SLC27A2: variants seen among roughly 807,000 people sequenced by gnomAD.
The protein encoded by SLC27A2 is long-chain fatty acid transport protein 2.
A neutral mutation model predicts 60.0 loss-of-function variants in SLC27A2; 54 were observed. That is an observed-to-expected ratio of 0.90 (90% CI 0.72 to 1.13). SLC27A2 has a LOEUF of 1.13. Ranked by LOEUF, SLC27A2 falls within the 50% of genes most tolerant of loss-of-function variation. SLC27A2 has a pLI of 0.00. For missense variants in SLC27A2, 739 were observed against 777.6 expected, an observed-to-expected ratio of 0.95 and a Z score of 0.59; for synonymous variants, 297 against 297.6, an observed-to-expected ratio of 1.00 and a Z score of 0.02.
intron 1 of SLC27A2, among the ~76,000 whole-genome samples, chr15:50,195,550 A>G (rs1451710228): frequency 6.6e-6 from 1 of 152,074 alleles, no homozygotes; most frequent in Non-Finnish European, 1.5e-5. Flanking sequence ...CATTAGCTTT[A>G]GTTGTGAGGA....
Position 50,182,378 on chromosome 15 carries a change from C to G in SLC27A2, c.-50C>G, listed in dbSNP as rs981546320. 5 of 1,476,238 alleles carry G rather than the reference C, an allele frequency of 3.4e-6. No individual in the cohort carries two copies. The East Asian group carries it at 1.3e-4, about 38-fold the overall frequency. The allele number at this position is 1,476,238 out of a possible 1,614,324, so 91.4% of individuals were successfully genotyped here. On this transcript the variant is annotated 5_prime_UTR_variant, in exon 1 of 10. Coordinates refer to ENST00000267842, the MANE Select transcript of SLC27A2 (RefSeq NM_003645.4). ...GCCCGCCCAGTCGCCGCGCTGCACG[C>G]CCGGGGTGAACCCTCTGCCCTCGCT...
At chr15:50,234,774 G>T (rs575515813) in intron 9 of SLC27A2, among the ~76,000 whole-genome samples, 49 of 152,068 alleles carry the variant, frequency 3.2e-4, no homozygotes, top group African/African-American at 1.1e-3. Flanking sequence ...AAATATATCA[G>T]AAAACAGCTA....
intron 1 of SLC27A2, among the ~76,000 whole-genome samples, chr15:50,186,468 G>A (rs118021115): frequency 6.6e-6 from 1 of 151,748 alleles, no homozygotes; most frequent in Non-Finnish European, 1.5e-5. Context: ...AGACAGTCTC[G>A]CTCTGTTGCC....
chr15:50,207,508 G>T (rs933948329), intron 4 of SLC27A2, among the ~76,000 whole-genome samples: 1 of 152,012 alleles, frequency 6.6e-6, no homozygotes, highest in African/African-American at 2.4e-5. Context: ...TAGGTCATCA[G>T]TCCAGGCACG....
In SLC27A2 at chr15:50,197,728, T is replaced by A. The variant is rs1163137825; in HGVS notation, c.688+19T>A. The stretch of plus-strand genomic sequence containing the variant: ...ACCACAGGTAAAAATAAAGGGGGGA[T>A]TCTCCAAAAAAATTAATCTGAAGGA... On this transcript the variant is annotated intron_variant, in intron 2 of 9. Transcript: ENST00000267842. 1.9e-6 allele frequency: 3 copies of A among 1,580,532 alleles called. No individual in the cohort carries two copies. In the South Asian group the frequency reaches 3.3e-5, roughly 18 times the overall value.
rs1251996680 is a variant in SLC27A2, at chr15:50,233,939, T to G, written c.1627T>G (p.Phe543Val). The G allele has an allele frequency of 6.2e-7, 1 of 1,613,718 alleles. No homozygotes were observed. Among genetic ancestry groups the G allele is most frequent in the African/African-American group, 1.3e-5 (1 of 74,930 alleles). ...CCATGAATTTGATGGAAAGAAACTCTTTCAGCACATTGCTGATTACCTACC... is the reference window on the plus strand; with the variant it reads ...CCATGAATTTGATGGAAAGAAACTCGTTCAGCACATTGCTGATTACCTACC... ...ENHEFDGKKL[F>V]QHIADYLPSY... The change falls in exon 9 of 10, where the codon TTT becomes GTT. Residue 543 changes from phenylalanine to valine, a missense_variant. Coordinates refer to ENST00000267842, the MANE Select transcript of SLC27A2 (RefSeq NM_003645.4).
At chr15:50,228,839 C>A in intron 7 of SLC27A2, 106 bp from the exon 8 acceptor site, 2 of 762,366 alleles carry the variant, frequency 2.6e-6, no homozygotes, top group Non-Finnish European at 4.6e-6. Context: ...ATGAGGAACA[C>A]GAGATCAGGA....
At position 50,210,518 on chromosome 15, in the gene SLC27A2, G is replaced by A. The variant is rs28584419; in HGVS notation, c.972+5155G>A. On this transcript the variant is annotated intron_variant, in intron 4 of 9. Coordinates refer to ENST00000267842, the MANE Select transcript of SLC27A2 (RefSeq NM_003645.4). Reference sequence around the variant, plus strand: ...CTGGCTCCCCTAGCAGCCCATTCCCGCCTGGCACCACAGGGATCCATCAGG... The same window carrying A: ...CTGGCTCCCCTAGCAGCCCATTCCCACCTGGCACCACAGGGATCCATCAGG... 1.4e-3 allele frequency among the ~76,000 whole-genome samples: 213 copies of A among 152,252 alleles called. 1 individual carries two copies. Among genetic ancestry groups the A allele is most frequent in the African/African-American group, 4.6e-3 (190 of 41,536 alleles).
At chr15:50,197,825 AT>A in intron 2 of SLC27A2, 116 bp downstream of exon 2, 1 of 700,604 alleles carries the variant, frequency 1.4e-6, no homozygotes, top group Non-Finnish European at 2.4e-6. Flanking sequence ...ACTTCAGGAG[AT>A]TTAGTTATTT....
chr15:50,182,412 G>A lies in SLC27A2; in HGVS notation c.-16G>A, dbSNP rs761414181. 1.3e-6 allele frequency: 2 copies of A among 1,580,324 alleles called. No homozygotes were observed. The highest frequency in any genetic ancestry group is 1.7e-6 in the Non-Finnish European group (2 of 1,160,036). On this transcript the variant is annotated 5_prime_UTR_variant, in exon 1 of 10. Coordinates refer to ENST00000267842, the MANE Select transcript of SLC27A2 (RefSeq NM_003645.4). The stretch of plus-strand genomic sequence containing the variant: ...AACCCTCTGCCCTCGCTGGGACAGA[G>A]GGCCCCGCAGCCGTCATGCTTTCCG...
intron 4 of SLC27A2, among the ~76,000 whole-genome samples, chr15:50,217,068 T>C (rs2045203875): frequency 6.6e-6 from 1 of 150,386 alleles, no homozygotes; most frequent in Non-Finnish European, 1.5e-5. Context: ...GGCATGAGAA[T>C]AATACAATAG....
chr15:50,216,610 G>GTGTGTGTGTGTGTGTGTGTATATA (rs1323910367), intron 4 of SLC27A2, among the ~76,000 whole-genome samples: 5 of 66,482 alleles, frequency 7.5e-5, no homozygotes, highest in Non-Finnish European at 8.9e-5. Flanking sequence ...GTGTGTGTGT[G>GTGTGTGTGTGTGTGTGTGTATATA]TATATATATA....
chr15:50,231,639 G>T (rs560317330), intron 8 of SLC27A2, among the ~76,000 whole-genome samples: 3 of 152,198 alleles, frequency 2.0e-5, no homozygotes, highest in African/African-American at 4.8e-5. Flanking sequence ...AAGCTCTGGA[G>T]TATGGGACTC....
chr15:50,190,105 C>A (rs964120595), intron 1 of SLC27A2, among the ~76,000 whole-genome samples: 4 of 152,148 alleles, frequency 2.6e-5, no homozygotes, highest in African/African-American at 9.7e-5. Flanking sequence ...ATGTCTCTCT[C>A]TCTATATATA....
intron 3 of SLC27A2, among the ~76,000 whole-genome samples, chr15:50,204,606 G>A (rs151265921): frequency 0.012 from 1,873 of 151,672 alleles, 17 homozygotes; most frequent in Non-Finnish European, 0.022. Flanking sequence ...GGTGGCACGC[G>A]CCTGTAATCC....
intron 2 of SLC27A2, among the ~76,000 whole-genome samples, chr15:50,199,154 A>G (rs2045046006): frequency 6.6e-6 from 1 of 152,170 alleles, no homozygotes; most frequent in African/African-American, 2.4e-5. Context: ...TCTTAATAGA[A>G]TGGTAAAATT....
At chr15:50,211,636 G>T (rs757581681) in intron 4 of SLC27A2, among the ~76,000 whole-genome samples, 45 of 152,090 alleles carry the variant, frequency 3.0e-4, no homozygotes, top group Non-Finnish European at 5.4e-4. Context: ...AGAAATCCCT[G>T]ATTTGCCTGA....
At chr15:50,235,705 A>G (rs1390881324) in intron 9 of SLC27A2, among the ~76,000 whole-genome samples, 1 of 152,234 alleles carries the variant, frequency 6.6e-6, no homozygotes, top group African/African-American at 2.4e-5. Context: ...ACTTCAGCAC[A>G]TCATATTGTA....
At chr15:50,184,645 G>T (rs1039340085) in intron 1 of SLC27A2, among the ~76,000 whole-genome samples, 32 of 151,890 alleles carry the variant, frequency 2.1e-4, no homozygotes, top group Non-Finnish European at 5.9e-5. Context: ...AGACTAGCCT[G>T]GCCAACATAG....
Sources: allele counts gnomAD v4.1 joint callset (sites outside exome capture counted in the v4.1 genomes callset), GRCh38; gene constraint gnomAD v4.1.1; transcripts MANE v1.5; gene names NCBI Gene and HGNC (gene_info 2026-07-23, HGNC 2026-07-21).